FSTL4: variants seen among roughly 807,000 people sequenced by gnomAD.
FSTL4 encodes the protein follistatin-related protein 4.
In FSTL4, 28 loss-of-function variants were observed where a neutral mutation model predicts 78.2. The ratio of observed to expected loss-of-function variants is 0.36; its 90% CI spans 0.27 to 0.49. The LOEUF (loss-of-function observed/expected upper bound fraction) is 0.49. FSTL4 is among the 20% of genes least tolerant of loss of function. The pLI is 0.98. For synonymous variants in FSTL4, 422 were observed against 440.5 expected, an observed-to-expected ratio of 0.96 and a Z score of 0.53; for missense variants, 922 against 1,084.9, an observed-to-expected ratio of 0.85 and a Z score of 2.11.
At chr5:133,693,505 T>C in the FSTL4 span, among the ~76,000 whole-genome samples, 66,237 of 152,010 alleles carry the variant, frequency 0.44, 15,300 homozygotes, top group African/African-American at 0.59. Context: ...TGAGAAGAAC[T>C]GGCGTGGATT....
chr5:133,784,682 G>T, the FSTL4 span, among the ~76,000 whole-genome samples: 1 of 151,848 alleles, frequency 6.6e-6, no homozygotes, highest in Non-Finnish European at 1.5e-5. Flanking sequence ...TTTTGCTCTT[G>T]CCTAGCAGTA....
In FSTL4 at chr5:133,467,133, T is replaced by G. The variant is rs546184015; in HGVS notation, c.161-66147A>C. On this transcript the variant is annotated intron_variant, in intron 3 of 15. Coordinates refer to ENST00000265342, the MANE Select transcript of FSTL4 (RefSeq NM_015082.2). The stretch of plus-strand genomic sequence containing the variant: ...ATGTCTGAATATGTATGTGGGTGTG[T>G]GTGTGTATATGTGTATGTGTGTGAG... Among the ~76,000 whole-genome samples the G allele has an allele frequency of 1.7e-4, 26 of 152,034 alleles. 1 individual carries two copies. The highest frequency in any genetic ancestry group is 6.3e-4 in the African/African-American group (26 of 41,440).
the FSTL4 span, among the ~76,000 whole-genome samples, chr5:133,731,189 T>C: frequency 5.3e-5 from 8 of 151,796 alleles, no homozygotes; most frequent in African/African-American, 1.5e-4. Context: ...CTCGGGGAGG[T>C]TGTGATCAAG....
intron 4 of FSTL4, among the ~76,000 whole-genome samples, chr5:133,369,906 C>G (rs570618371): frequency 6.6e-6 from 1 of 152,150 alleles, no homozygotes; most frequent in African/African-American, 2.4e-5. Flanking sequence ...AGCTATGACA[C>G]AGGTAGAAGA....
At chr5:133,568,107 T>C (rs1272733580) in intron 2 of FSTL4, among the ~76,000 whole-genome samples, 1 of 152,050 alleles carries the variant, frequency 6.6e-6, no homozygotes, top group Middle Eastern at 3.4e-3. Flanking sequence ...CATAGGAAAA[T>C]GTTGGGTGGT....
chr5:133,381,680 C>T (rs1473463887), intron 4 of FSTL4, among the ~76,000 whole-genome samples: 1 of 152,232 alleles, frequency 6.6e-6, no homozygotes, highest in East Asian at 1.9e-4. Context: ...ATCCCACTGT[C>T]TGTATGCCAT....
chr5:133,639,187 C>T, the FSTL4 span, among the ~76,000 whole-genome samples: 2 of 152,084 alleles, frequency 1.3e-5, no homozygotes, highest in Non-Finnish European at 2.9e-5. Flanking sequence ...CCATCATTCT[C>T]GGCAAACAAC....
chr5:133,259,765 T>C (rs1286432837), intron 6 of FSTL4, among the ~76,000 whole-genome samples: 1 of 151,426 alleles, frequency 6.6e-6, no homozygotes, highest in Non-Finnish European at 1.5e-5. Flanking sequence ...ACTGTGGAGA[T>C]GAAGAGGAAG....
intron 4 of FSTL4, among the ~76,000 whole-genome samples, chr5:133,385,715 G>A (rs146879976): frequency 6.6e-6 from 1 of 152,192 alleles, no homozygotes; most frequent in African/African-American, 2.4e-5. Context: ...TTAATTACAG[G>A]AATCATTATA....
chr5:133,271,226 G>C (rs987470104), intron 6 of FSTL4, among the ~76,000 whole-genome samples: 1 of 152,248 alleles, frequency 6.6e-6, no homozygotes, highest in Non-Finnish European at 1.5e-5. Flanking sequence ...AAGCCATTGA[G>C]ACAATTGTAG....
the FSTL4 span, among the ~76,000 whole-genome samples, chr5:133,667,555 G>C: frequency 6.6e-6 from 1 of 152,146 alleles, no homozygotes; most frequent in Non-Finnish European, 1.5e-5. Context: ...CTCAGCTCCA[G>C]CTCGAATATA....
chr5:133,791,867 CA>C, the FSTL4 span, among the ~76,000 whole-genome samples: 1 of 152,216 alleles, frequency 6.6e-6, no homozygotes, highest in Non-Finnish European at 1.5e-5. Context: ...TGCTGGGCAT[CA>C]GCATGGGTTA....
intron 8 of FSTL4, among the ~76,000 whole-genome samples, chr5:133,230,783 T>A (rs1019761551): frequency 2.0e-5 from 3 of 152,190 alleles, no homozygotes; most frequent in Non-Finnish European, 4.4e-5. Flanking sequence ...AGCCTAGGCC[T>A]CTGGGGCATC....
intron 3 of FSTL4, among the ~76,000 whole-genome samples, chr5:133,446,110 G>T (rs906994825): frequency 1.3e-5 from 2 of 152,154 alleles, no homozygotes; most frequent in African/African-American, 4.8e-5. Context: ...ACCCCTATTT[G>T]GGGGCAGCCA....
At chr5:133,305,290 C>T (rs958809946) in intron 6 of FSTL4, among the ~76,000 whole-genome samples, 1 of 152,166 alleles carries the variant, frequency 6.6e-6, no homozygotes, top group African/African-American at 2.4e-5. Context: ...CCCTCACAGC[C>T]GAGCTAAGCT....
In FSTL4 at chr5:133,400,841, G is replaced by A. The variant is rs201810501; in HGVS notation, c.306C>T (p.Gly102=). 1.3e-4 allele frequency: 214 copies of A among 1,614,032 alleles called. No individual in the cohort carries two copies. Among genetic ancestry groups the A allele is most frequent in the Middle Eastern group, 3.3e-4 (2 of 6,062 alleles). ...GGTTTTCATAAAACCTCCCATCAGA[G>A]CCGCACACAGGCACGTAGCTGGGCC... ...ACRPSYVPVC[G]SDGRFYENHC... The change falls in exon 4 of 16, where the codon GGC becomes GGT. Residue 102 remains glycine, a synonymous_variant. Coordinates refer to ENST00000265342, the MANE Select transcript of FSTL4 (RefSeq NM_015082.2).
chr5:133,205,681 TTC>T (rs1445842265), intron 14 of FSTL4, among the ~76,000 whole-genome samples: 18 of 152,332 alleles, frequency 1.2e-4, no homozygotes, highest in African/African-American at 4.3e-4. Context: ...ATATTCTATT[TTC>T]TTTAGGAGCT....
At chr5:133,530,354 A>C (rs1759226197) in intron 3 of FSTL4, among the ~76,000 whole-genome samples, 1 of 152,206 alleles carries the variant, frequency 6.6e-6, no homozygotes, top group Admixed American at 6.5e-5. Context: ...AGCAGGTTAA[A>C]AACACCTTGC....
At chr5:133,217,154 G>T in intron 13 of FSTL4, 75 bp downstream of exon 13, 1 of 1,261,860 alleles carries the variant, frequency 7.9e-7, no homozygotes, top group South Asian at 1.3e-5. Flanking sequence ...TGGGGAGTAT[G>T]CAGAAAGCAA....
Sources: gnomAD v4.1 joint callset for allele counts (sites outside exome capture counted in the v4.1 genomes callset) on GRCh38, gnomAD v4.1.1 for gene constraint, MANE v1.5 for transcripts, NCBI Gene and HGNC (gene_info 2026-07-23, HGNC 2026-07-21) for gene names.